Variants in SLC35D2 observed in about 807,000 individuals in gnomAD.
The protein encoded by SLC35D2 is nucleotide sugar transporter SLC35D2.
SLC35D2 carries 43 observed loss-of-function variants against 41.8 expected under a neutral mutation model. That is an observed-to-expected ratio of 1.03 (90% CI 0.81 to 1.33). The LOEUF (loss-of-function observed/expected upper bound fraction) is 1.33, where lower values mean the gene tolerates loss of function less well. Ranked by LOEUF, SLC35D2 falls within the 40% of genes most tolerant of loss-of-function variation. SLC35D2 has a pLI of 0.00. For missense variants in SLC35D2, 380 were observed against 408.4 expected (o/e 0.93, Z 0.60); for synonymous variants, 150 against 163.9 (o/e 0.92, Z 0.65).
In SLC35D2 at chr9:96,351,104, C is replaced by A. The variant is rs1018468352; in HGVS notation, c.487G>T (p.Gly163Trp). 1.9e-6 allele frequency: 3 copies of A among 1,609,066 alleles called. No individual in the cohort carries two copies. Among genetic ancestry groups the A allele is most frequent in the African/African-American group, 2.7e-5 (2 of 74,922 alleles). ...AGCAGAAACAGTCCAAAGTCTTACC[C>A]AGCTGCTATGAAAGCCCCGAGAATA... ...AIILGAFIAA[G>W]SDLAFNLEGY... Residue 163 changes from glycine to tryptophan, a missense_variant and splice_region_variant, in exon 6 of 12, where the codon GGG becomes TGG. By Grantham distance (184) the Gly-to-Trp change is radical. Coordinates refer to ENST00000253270, the MANE Select transcript of SLC35D2 (RefSeq NM_007001.3).
intron 8 of SLC35D2, among the ~76,000 whole-genome samples, chr9:96,341,220 G>A (rs577774538): frequency 1.3e-5 from 2 of 152,300 alleles, no homozygotes; most frequent in East Asian, 3.9e-4. Flanking sequence ...GTGGGAGACA[G>A]AAGTTTCAGT....
At chr9:96,332,956 T>C (rs1277632683) in intron 9 of SLC35D2, among the ~76,000 whole-genome samples, 4 of 150,070 alleles carry the variant, frequency 2.7e-5, no homozygotes, top group African/African-American at 4.9e-5. Context: ...TGTAGTACAG[T>C]GGCACGATCT....
chr9:96,332,337 G>A (rs556308795), intron 9 of SLC35D2, among the ~76,000 whole-genome samples: 5 of 152,306 alleles, frequency 3.3e-5, no homozygotes, highest in African/African-American at 1.2e-4. Flanking sequence ...GATGTGCTGG[G>A]AAGCTTACTA....
At chr9:96,372,730 G>A (rs1185061474) in intron 1 of SLC35D2, among the ~76,000 whole-genome samples, 5 of 149,592 alleles carry the variant, frequency 3.3e-5, no homozygotes, top group African/African-American at 4.9e-5. Flanking sequence ...GATTACAGGC[G>A]CGCACCACCA....
intron 4 of SLC35D2, among the ~76,000 whole-genome samples, chr9:96,356,438 G>C (rs1250709566): frequency 7.4e-6 from 1 of 135,940 alleles, no homozygotes; most frequent in Non-Finnish European, 1.5e-5. Context: ...AAATTAATAA[G>C]GAAATGCAAG....
At chr9:96,333,352 T>G (rs1438418223) in intron 9 of SLC35D2, among the ~76,000 whole-genome samples, 1 of 151,462 alleles carries the variant, frequency 6.6e-6, no homozygotes, top group Non-Finnish European at 1.5e-5. Context: ...ATCCCAGCTC[T>G]TTGGGAGGCT....
Position 96,364,503 on chromosome 9 carries a change from G to A in SLC35D2, c.240C>T (p.Ile80=). Residue 80 remains isoleucine (I), a synonymous_variant, in exon 3 of 12, where the codon ATC becomes ATT. Coordinates refer to ENST00000253270, the MANE Select transcript of SLC35D2 (RefSeq NM_007001.3). The part of the protein sequence containing the change: ...MILYVSKLNK[I]IHFPDFDKKI... Reference sequence around the variant, plus strand: ...TCTTATCAAAATCAGGGAAGTGAATGATTTTGTTTAGCTTGGACACATATA... The same window carrying A: ...TCTTATCAAAATCAGGGAAGTGAATAATTTTGTTTAGCTTGGACACATATA... 1.9e-6 allele frequency: 3 copies of A among 1,606,740 alleles called. No individual in the cohort carries two copies. The highest frequency in any genetic ancestry group is 2.2e-5 in the South Asian group (2 of 90,772).
intron 5 of SLC35D2, among the ~76,000 whole-genome samples, chr9:96,351,767 A>T (rs1829824273): frequency 6.6e-6 from 1 of 152,164 alleles, no homozygotes. Flanking sequence ...CTGGCTCAGG[A>T]AACAGGTTTA....
intron 8 of SLC35D2, among the ~76,000 whole-genome samples, chr9:96,339,976 T>C (rs1308977969): frequency 6.6e-6 from 1 of 152,240 alleles, no homozygotes; most frequent in African/African-American, 2.4e-5. Context: ...TCAAGTTTCT[T>C]TCCATTAACA....
At chr9:96,351,230 GATT>G (rs1444694961) in intron 5 of SLC35D2, 59 bp from the exon 6 acceptor site, 7 of 1,212,400 alleles carry the variant, frequency 5.8e-6, no homozygotes, top group Admixed American at 5.4e-5. Flanking sequence ...ATTGAAATAT[GATT>G]ATATTTTTTA....
chr9:96,380,690 G>A (rs1831164906), intron 1 of SLC35D2, among the ~76,000 whole-genome samples: 1 of 151,762 alleles, frequency 6.6e-6, no homozygotes, highest in African/African-American at 2.4e-5. Context: ...GGCCAGGCTG[G>A]TCTCGAAATC....
chr9:96,368,323 C>G lies in SLC35D2; in HGVS notation c.159-18G>C, dbSNP rs903808006. 3.8e-5 allele frequency: 60 copies of G among 1,597,550 alleles called. No individual in the cohort carries two copies. The highest frequency in any genetic ancestry group is 5.0e-5 in the Non-Finnish European group (59 of 1,169,636). Reference sequence around the variant, plus strand: ...ACGGGAAACTACAAAGGACACAGAACAACAAATCAGTTGAGCAAATATAAA... The same window carrying G: ...ACGGGAAACTACAAAGGACACAGAAGAACAAATCAGTTGAGCAAATATAAA... On this transcript the variant is annotated intron_variant, in intron 1 of 11. Transcript: ENST00000253270.
At chr9:96,372,574 CTTTTTTTTTTTTTTTT>C (rs71368250) in intron 1 of SLC35D2, among the ~76,000 whole-genome samples, 3 of 90,142 alleles carry the variant, frequency 3.3e-5, no homozygotes, top group African/African-American at 1.6e-4. Flanking sequence ...TAAATAATTA[CTTTTTTTTTTTTTTTT>C]TTTTTTTTTT....
intron 4 of SLC35D2, among the ~76,000 whole-genome samples, chr9:96,354,912 A>T (rs905275297): frequency 2.6e-5 from 4 of 151,800 alleles, no homozygotes; most frequent in East Asian, 1.9e-4. Context: ...AAAAAAATTT[A>T]AAAAACCAGG....
At chr9:96,369,281 C>T (rs2131006947) in intron 1 of SLC35D2, among the ~76,000 whole-genome samples, 1 of 152,194 alleles carries the variant, frequency 6.6e-6, no homozygotes, top group African/African-American at 2.4e-5. Context: ...TATCAATATT[C>T]TCAAAATTAA....
chr9:96,347,202 G>A (rs767990139), intron 6 of SLC35D2, among the ~76,000 whole-genome samples: 1 of 152,154 alleles, frequency 6.6e-6, no homozygotes, highest in Non-Finnish European at 1.5e-5. Flanking sequence ...GTGAAGAAGA[G>A]CAGAGTCTGC....
intron 4 of SLC35D2, among the ~76,000 whole-genome samples, chr9:96,353,111 T>G (rs938958743): frequency 2.0e-5 from 3 of 152,018 alleles, no homozygotes; most frequent in African/African-American, 7.2e-5. Context: ...ACCACATGCA[T>G]AAATGTGTTC....
chr9:96,338,244 G>A (rs1045948699), intron 8 of SLC35D2, among the ~76,000 whole-genome samples: 1 of 152,126 alleles, frequency 6.6e-6, no homozygotes, highest in African/African-American at 2.4e-5. Context: ...GAAACTCAAT[G>A]TATTTAAAAT....
intron 2 of SLC35D2, among the ~76,000 whole-genome samples, chr9:96,365,462 A>AC (rs1830440308): frequency 6.6e-6 from 1 of 152,188 alleles, no homozygotes; most frequent in African/African-American, 2.4e-5. Context: ...GGTCTCCCTG[A>AC]CAGTGACAAA....
Sources: allele counts gnomAD v4.1 joint callset (sites outside exome capture counted in the v4.1 genomes callset), GRCh38; gene constraint gnomAD v4.1.1; transcripts MANE v1.5; gene names NCBI Gene and HGNC (gene_info 2026-07-23, HGNC 2026-07-21).